The following SCHIP1 variants were observed in gnomAD, a reference collection of about 807,000 sequenced individuals.
SCHIP1 encodes the protein schwannomin interacting protein 1, also known as schwannomin-interacting protein 1.
Under a neutral mutation model 29.7 loss-of-function variants are expected in SCHIP1, and 8 were observed. That is an observed-to-expected ratio of 0.27 (90% confidence interval 0.16 to 0.49). The LOEUF (loss-of-function observed/expected upper bound fraction) is 0.49. Ranked by LOEUF, SCHIP1 falls within the 20% of genes least tolerant of loss-of-function variation. The probability of loss-of-function intolerance (pLI) is 0.99; values close to 1 mark genes in which losing one functional copy is unlikely to be tolerated. For synonymous variants in SCHIP1, 76 were observed against 94.9 expected (o/e 0.80, Z 1.16); for missense variants, 193 against 294.6 (o/e 0.66, Z 2.52).
the SCHIP1 span, among the ~76,000 whole-genome samples, chr3:159,287,534 G>A: frequency 6.6e-6 from 1 of 151,696 alleles, no homozygotes; most frequent in Non-Finnish European, 1.5e-5. Flanking sequence ...TATTATTATT[G>A]GAGAATAAAC....
chr3:159,492,047 T>A, the SCHIP1 span, among the ~76,000 whole-genome samples: 20 of 152,074 alleles, frequency 1.3e-4, no homozygotes, highest in African/African-American at 4.6e-4. Context: ...GTCCTGACTG[T>A]TAGAAGGAAA....
At chr3:159,366,280 AT>A in the SCHIP1 span, among the ~76,000 whole-genome samples, 1 of 151,130 alleles carries the variant, frequency 6.6e-6, no homozygotes, top group Non-Finnish European at 1.5e-5. Flanking sequence ...GGCCCAAACC[AT>A]TCATGAGGAA....
the SCHIP1 span, among the ~76,000 whole-genome samples, chr3:159,287,632 A>G: frequency 6.6e-6 from 1 of 152,304 alleles, no homozygotes; most frequent in East Asian, 1.9e-4. Context: ...GCGTTCGTCT[A>G]AGTATTTTAC....
chr3:159,646,771 C>A, the SCHIP1 span, among the ~76,000 whole-genome samples: 1 of 152,110 alleles, frequency 6.6e-6, no homozygotes, highest in African/African-American at 2.4e-5. Context: ...AAATCTATAA[C>A]TCTCCAGGCA....
At chr3:159,736,677 A>T in the SCHIP1 span, among the ~76,000 whole-genome samples, 1 of 151,604 alleles carries the variant, frequency 6.6e-6, no homozygotes, top group African/African-American at 2.4e-5. Context: ...GCATGCCTGC[A>T]CCGGGGCTGC....
chr3:159,694,799 A>T, the SCHIP1 span, among the ~76,000 whole-genome samples: 1 of 152,154 alleles, frequency 6.6e-6, no homozygotes, highest in Non-Finnish European at 1.5e-5. Context: ...TTAAAACTAC[A>T]TATCTGGGGT....
At chr3:159,390,283 G>A in the SCHIP1 span, among the ~76,000 whole-genome samples, 1 of 152,038 alleles carries the variant, frequency 6.6e-6, no homozygotes, top group Non-Finnish European at 1.5e-5. Context: ...TTATTGCATG[G>A]TCTTGGCTAT....
chr3:159,720,832 G>A, the SCHIP1 span, among the ~76,000 whole-genome samples: 10 of 152,120 alleles, frequency 6.6e-5, no homozygotes, highest in Admixed American at 2.6e-4. Context: ...TGATCTGCCC[G>A]CCTCTGCCTA....
At chr3:159,547,110 C>T in the SCHIP1 span, among the ~76,000 whole-genome samples, 5 of 152,128 alleles carry the variant, frequency 3.3e-5, no homozygotes, top group East Asian at 7.7e-4. Flanking sequence ...GAATGGTTGC[C>T]GTTCTAACTG....
the SCHIP1 span, chr3:159,764,077 A>C: frequency 5.3e-6 from 1 of 189,738 alleles, no homozygotes; most frequent in East Asian, 1.3e-4. The surrounding 1 kb of genome is among the most constrained non-coding windows in gnomAD (Gnocchi z 6.1). Context: ...TTTCCTGGGA[A>C]AGTGTCTGGT....
At chr3:159,375,767 G>T in the SCHIP1 span, 1 of 788,594 alleles carries the variant, frequency 1.3e-6, no homozygotes, top group Non-Finnish European at 1.5e-6. Context: ...TAAACTGTTT[G>T]ATACATTTAA....
chr3:159,869,687 G>A (rs758528962), intron 2 of SCHIP1, among the ~76,000 whole-genome samples: 12 of 151,658 alleles, frequency 7.9e-5, no homozygotes, highest in Non-Finnish European at 1.3e-4. Context: ...TGCCTGTTAC[G>A]GCTTTTTTTA....
chr3:159,463,839 GTT>G, the SCHIP1 span, among the ~76,000 whole-genome samples: 16 of 151,956 alleles, frequency 1.1e-4, no homozygotes, highest in African/African-American at 3.9e-4. Context: ...CTGTGAATTG[GTT>G]TACATTTAAA....
the SCHIP1 span, among the ~76,000 whole-genome samples, chr3:159,530,006 CACTT>C: frequency 7.2e-5 from 11 of 152,208 alleles, no homozygotes; most frequent in Non-Finnish European, 1.6e-4. Flanking sequence ...CACTGATAGA[CACTT>C]AGGTCAATTC....
chr3:159,596,607 T>C, the SCHIP1 span, among the ~76,000 whole-genome samples: 1 of 152,164 alleles, frequency 6.6e-6, no homozygotes, highest in African/African-American at 2.4e-5. Context: ...CACCATGGAA[T>C]ACTATGCAGC....
chr3:159,467,428 C>T, the SCHIP1 span, among the ~76,000 whole-genome samples: 2 of 151,436 alleles, frequency 1.3e-5, no homozygotes, highest in African/African-American at 2.4e-5. Context: ...ACCAAAAGCA[C>T]ATTTACAATT....
At chr3:159,317,185 G>A in the SCHIP1 span, among the ~76,000 whole-genome samples, 1 of 152,204 alleles carries the variant, frequency 6.6e-6, no homozygotes, top group Non-Finnish European at 1.5e-5. Context: ...CCATTGTGGA[G>A]TAGTAGACTG....
the SCHIP1 span, among the ~76,000 whole-genome samples, chr3:159,277,902 A>C: frequency 6.6e-6 from 1 of 151,910 alleles, no homozygotes. Context: ...ACAACGAGCA[A>C]AACTCCGTCT....
chr3:159,504,852 G>C, the SCHIP1 span, among the ~76,000 whole-genome samples: 6 of 152,166 alleles, frequency 3.9e-5, no homozygotes, highest in Non-Finnish European at 7.4e-5. Flanking sequence ...CAGGGGACAT[G>C]GGAAATTTCC....
Sources: gnomAD v4.1 joint callset for allele counts (sites outside exome capture counted in the v4.1 genomes callset) on GRCh38, gnomAD v4.1.1 for gene constraint, Gnocchi (gnomAD v3.1) non-coding constraint, MANE v1.5 for transcripts, NCBI Gene and HGNC (gene_info 2026-07-23, HGNC 2026-07-21) for gene names.